The following AGBL1 variants were observed in gnomAD, a reference collection of about 807,000 sequenced individuals.
The protein encoded by AGBL1 is AGBL carboxypeptidase 1, also known as cytosolic carboxypeptidase 4.
AGBL1 carries 130 observed loss-of-function variants against 118.9 expected under a neutral mutation model. That is an observed-to-expected ratio of 1.09 (90% CI 0.95 to 1.26). The LOEUF is 1.26. Among genes scored for constraint, AGBL1 ranks in the 50% most tolerant of loss-of-function variants. The pLI, the probability that AGBL1 is intolerant of heterozygous loss-of-function variation, is 0.00. For synonymous variants in AGBL1, 555 were observed against 478.9 expected, an observed-to-expected ratio of 1.16 and a Z score of -2.08; for missense variants, 1,584 against 1,298.1, an observed-to-expected ratio of 1.22 and a Z score of -3.38.
chr15:86,727,658 A>G (rs941110457), intron 22 of AGBL1, among the ~76,000 whole-genome samples: 1 of 152,238 alleles, frequency 6.6e-6, no homozygotes, highest in South Asian at 2.1e-4. Context: ...GAAAAGTAAA[A>G]TAGAGTTTAT....
At chr15:86,515,163 C>T (rs2083105035) in intron 18 of AGBL1, among the ~76,000 whole-genome samples, 1 of 152,156 alleles carries the variant, frequency 6.6e-6, no homozygotes, top group African/African-American at 2.4e-5. Flanking sequence ...TTCAGATCTT[C>T]TTTACTGATT....
chr15:86,279,458 A>T (rs923292984), intron 15 of AGBL1, among the ~76,000 whole-genome samples, 181 bp from the exon 16 acceptor site: 10 of 152,234 alleles, frequency 6.6e-5, no homozygotes, highest in African/African-American at 2.4e-4. Flanking sequence ...ATGAACTGGC[A>T]GTAAGTTTAC....
chr15:86,705,015 A>G lies in AGBL1; in HGVS notation c.3158+30579A>G, dbSNP rs368940536. ...GATGAAGCTGGAAACCATCATTCTC[A>G]GCAAACTAACACAGGAACAGAAAAA... On this transcript the variant is annotated intron_variant, in intron 22 of 22. Coordinates refer to ENST00000614907, the MANE Select transcript of AGBL1 (RefSeq NM_001386094.1). Among the ~76,000 whole-genome samples, 15 of 152,284 alleles carry G rather than the reference A, an allele frequency of 9.9e-5. No homozygotes were observed. In the East Asian group the frequency reaches 2.3e-3, roughly 24 times the overall value.
At chr15:86,355,510 C>CT in intron 17 of AGBL1, among the ~76,000 whole-genome samples, 1 of 152,114 alleles carries the variant, frequency 6.6e-6, no homozygotes, top group African/African-American at 2.4e-5. Flanking sequence ...GGGCTGCTGG[C>CT]TCCTATATTT....
chr15:86,808,175 T>G (rs887324205), intron 22 of AGBL1, among the ~76,000 whole-genome samples: 1 of 152,176 alleles, frequency 6.6e-6, no homozygotes, highest in African/African-American at 2.4e-5. Context: ...ATGACCTTTC[T>G]GAGAAATAAA....
intron 23 of AGBL1, among the ~76,000 whole-genome samples, chr15:86,975,408 A>C (rs2081165506): frequency 6.6e-6 from 1 of 152,008 alleles, no homozygotes; most frequent in Non-Finnish European, 1.5e-5. Context: ...CGAGAAAGAG[A>C]AAGACCCATC....
chr15:86,384,130 G>A (rs990029203), intron 17 of AGBL1, among the ~76,000 whole-genome samples: 5 of 152,110 alleles, frequency 3.3e-5, no homozygotes, highest in African/African-American at 9.7e-5. Context: ...GTAGTGCTTA[G>A]GGCAGGAGCT....
At chr15:86,234,185 G>T (rs2078500317) in intron 6 of AGBL1, among the ~76,000 whole-genome samples, 2 of 152,026 alleles carry the variant, frequency 1.3e-5, no homozygotes, top group Admixed American at 1.3e-4. Flanking sequence ...GTATAAAAGT[G>T]CTCAAGGTGG....
intron 5 of AGBL1, among the ~76,000 whole-genome samples, chr15:86,165,163 C>T (rs1381454978): frequency 3.3e-5 from 5 of 152,124 alleles, no homozygotes; most frequent in Admixed American, 6.6e-5. Flanking sequence ...AATTCTTCAC[C>T]TTAGTCTCCT....
intron 19 of AGBL1, among the ~76,000 whole-genome samples, chr15:86,528,154 CG>C (rs1269816539): frequency 1.3e-5 from 2 of 152,108 alleles, no homozygotes; most frequent in Non-Finnish European, 2.9e-5. Flanking sequence ...CCAGCGTGAG[CG>C]ACGCAGAAGA....
intron 17 of AGBL1, among the ~76,000 whole-genome samples, chr15:86,347,944 CT>C (rs1342571307): frequency 1.3e-5 from 2 of 152,150 alleles, no homozygotes; most frequent in Non-Finnish European, 2.9e-5. Flanking sequence ...ATTTCTTCTT[CT>C]TTTTTTCTCA....
At chr15:86,683,267 G>C (rs1038608017) in intron 22 of AGBL1, among the ~76,000 whole-genome samples, 1 of 152,074 alleles carries the variant, frequency 6.6e-6, no homozygotes, top group Non-Finnish European at 1.5e-5. Flanking sequence ...AAACTCAAAC[G>C]ACTTGGGTTC....
chr15:86,900,489 T>C (rs1039562241), intron 22 of AGBL1, among the ~76,000 whole-genome samples: 1 of 152,164 alleles, frequency 6.6e-6, no homozygotes, highest in African/African-American at 2.4e-5. Context: ...TTCTTTCTTT[T>C]AATTTTCCAA....
Position 86,411,692 on chromosome 15 carries a change from G to A in AGBL1, c.2555+14146G>A, listed in dbSNP as rs140462390. Among the ~76,000 whole-genome samples the A allele has an allele frequency of 2.5e-3, 385 of 152,054 alleles. 1 individual carries two copies. Among genetic ancestry groups the A allele is most frequent in the Middle Eastern group, 6.8e-3 (2 of 294 alleles). Reference sequence around the variant, plus strand: ...TGCCCCCTACCCTTCCCTCTGGTCCGATAACTAATGGCCAAGGAGATAAAT... The same window carrying A: ...TGCCCCCTACCCTTCCCTCTGGTCCAATAACTAATGGCCAAGGAGATAAAT... On this transcript the variant is annotated intron_variant, in intron 18 of 22. Coordinates refer to ENST00000614907, the MANE Select transcript of AGBL1 (RefSeq NM_001386094.1).
chr15:86,816,665 G>A (rs1353543101), intron 22 of AGBL1, among the ~76,000 whole-genome samples: 2 of 151,974 alleles, frequency 1.3e-5, no homozygotes, highest in East Asian at 1.9e-4. Flanking sequence ...ATAGAAAGAT[G>A]TAGTAAAAAA....
chr15:86,322,023 T>G (rs2080111899), intron 17 of AGBL1, among the ~76,000 whole-genome samples: 1 of 151,714 alleles, frequency 6.6e-6, no homozygotes, highest in Non-Finnish European at 1.5e-5. Flanking sequence ...GTTATCTGCC[T>G]GTTACCCATC....
At chr15:86,841,361 T>C (rs2141437552) in intron 22 of AGBL1, among the ~76,000 whole-genome samples, 1 of 152,284 alleles carries the variant, frequency 6.6e-6, no homozygotes, top group East Asian at 1.9e-4. Context: ...ATGAAATAGG[T>C]GCACAATTCT....
chr15:86,230,418 G>A (rs544867833), intron 6 of AGBL1, among the ~76,000 whole-genome samples: 70 of 152,330 alleles, frequency 4.6e-4, no homozygotes, highest in Admixed American at 9.8e-4. Flanking sequence ...TGTTTAGGAT[G>A]GTTGGCATTG....
rs955056351 is a variant in AGBL1, at chr15:86,911,433, C to G, written c.*4139C>G. 5 of 152,216 alleles carry G rather than the reference C, an allele frequency of 3.3e-5. No individual in the cohort carries two copies. The highest frequency in any genetic ancestry group is 1.2e-4 in the African/African-American group (5 of 41,452). 9.4% of individuals were successfully genotyped at this position (152,216 alleles called of 1,614,324 possible). Reference sequence around the variant, plus strand: ...CGTAACACTTCCCTCTGGCAAGAGGCTTTGTGGCTTCACATTTCCTTCAGA... The same window carrying G: ...CGTAACACTTCCCTCTGGCAAGAGGGTTTGTGGCTTCACATTTCCTTCAGA... On this transcript the variant is annotated 3_prime_UTR_variant, in exon 23 of 23. Transcript: ENST00000614907.
Sources: gnomAD v4.1 joint callset for allele counts (sites outside exome capture counted in the v4.1 genomes callset) on GRCh38, gnomAD v4.1.1 for gene constraint, MANE v1.5 for transcripts, NCBI Gene and HGNC (gene_info 2026-07-23, HGNC 2026-07-21) for gene names.